The following DOCK11 variants were observed in gnomAD, a reference collection of about 807,000 sequenced individuals.
DOCK11 encodes the protein dedicator of cytokinesis 11, also known as dedicator of cytokinesis protein 11.
In DOCK11, 70 loss-of-function variants were observed where a neutral mutation model predicts 169.1. The observed-to-expected ratio is 0.41, with a 90% CI of 0.34 to 0.51. The LOEUF is 0.51. DOCK11 is among the 20% of genes least tolerant of loss of function. DOCK11 has a pLI of 0.10. For missense variants in DOCK11, 1,166 were observed against 1,538.8 expected (o/e 0.76, Z 4.05); for synonymous variants, 529 against 541.3 (o/e 0.98, Z 0.32).
At chrX:118,640,558 G>A (rs1159129720) in intron 38 of DOCK11, among the ~76,000 whole-genome samples, 2 of 112,085 alleles carry the variant, frequency 1.8e-5, no homozygotes, top group Non-Finnish European at 3.8e-5. Context: ...ATCTGTAGCT[G>A]AATTTCTATT....
intron 12 of DOCK11, among the ~76,000 whole-genome samples, chrX:118,578,287 G>A (rs929428786): frequency 1.8e-5 from 2 of 111,679 alleles, no homozygotes; most frequent in Middle Eastern, 9.2e-3. Context: ...AAGCAGCAAC[G>A]GTGACACCTG....
At chrX:118,570,094 T>C (rs905527010) in intron 10 of DOCK11, among the ~76,000 whole-genome samples, 2 of 112,384 alleles carry the variant, frequency 1.8e-5, no homozygotes, top group African/African-American at 3.2e-5. Flanking sequence ...TGGAAGGCAG[T>C]GTCGCCTCGG....
intron 30 of DOCK11, chrX:118,616,309 A>C: frequency 2.8e-6 from 2 of 724,797 alleles, no homozygotes; most frequent in Non-Finnish European, 3.7e-6. Context: ...ATGAATTGCT[A>C]AGATGGATGG....
At chrX:118,670,087 C>G (rs760611979) in intron 45 of DOCK11, among the ~76,000 whole-genome samples, 69 of 111,948 alleles carry the variant, frequency 6.2e-4, no homozygotes, top group Non-Finnish European at 9.2e-4. Flanking sequence ...TTCAACTTAT[C>G]TTTTTAGGAG....
At chrX:118,541,280 G>C (rs1463114028) in intron 1 of DOCK11, among the ~76,000 whole-genome samples, 1 of 111,850 alleles carries the variant, frequency 8.9e-6, no homozygotes, top group Non-Finnish European at 1.9e-5. Context: ...GCAGTTGCAG[G>C]GGTCAAGGGC....
At chrX:118,661,838 A>T (rs1362262423) in intron 44 of DOCK11, among the ~76,000 whole-genome samples, 1 of 111,545 alleles carries the variant, frequency 9.0e-6, no homozygotes, top group Admixed American at 9.5e-5. Context: ...CCAGAAGCCT[A>T]CAGCAGGTGT....
intron 6 of DOCK11, among the ~76,000 whole-genome samples, chrX:118,550,730 A>G (rs918236231): frequency 9.0e-6 from 1 of 111,725 alleles, no homozygotes; most frequent in African/African-American, 3.3e-5. Context: ...TTCTTCCTGC[A>G]TCACGTCTGG....
At chrX:118,651,261 C>A (rs941156176) in intron 41 of DOCK11, among the ~76,000 whole-genome samples, 4 of 111,588 alleles carry the variant, frequency 3.6e-5, no homozygotes, top group Non-Finnish European at 3.8e-5. Context: ...TGGCAAAATC[C>A]TGTCCCTACA....
chrX:118,562,009 T>C (rs2012928187), intron 7 of DOCK11, among the ~76,000 whole-genome samples: 2 of 108,404 alleles, frequency 1.8e-5, no homozygotes, highest in African/African-American at 6.7e-5. Context: ...CTACTAAAAA[T>C]ACAAAAATTA....
Position 118,627,550 on chromosome X carries a change from G to A in DOCK11, c.3635G>A (p.Arg1212Lys). The A allele has an allele frequency of 8.3e-7, 1 of 1,209,863 alleles. No homozygotes were observed. The highest frequency in any genetic ancestry group is 1.1e-6 in the Non-Finnish European group (1 of 894,049). Residue 1212 changes from arginine to lysine, a missense_variant, in exon 33 of 53, where the codon AGA becomes AAA. Transcript: ENST00000276202. ...TGTGGCTTTACTTCACCTGCCAATAGAGGGAGTCTGAGCACTGACAAAGAC... is the reference window on the plus strand; with the variant it reads ...TGTGGCTTTACTTCACCTGCCAATAAAGGGAGTCTGAGCACTGACAAAGAC... ...FPCGFTSPAN[R>K]GSLSTDKDTA... is the part of the protein sequence containing the mutation.
intron 7 of DOCK11, among the ~76,000 whole-genome samples, chrX:118,563,435 C>T (rs2012974753): frequency 9.0e-6 from 1 of 110,498 alleles, no homozygotes; most frequent in Admixed American, 9.8e-5. Context: ...CCAGCCTGGG[C>T]AGCACAGTGA....
rs183806209 is a variant in DOCK11, at chrX:118,639,529, C to T, written c.4096C>T (p.Arg1366Trp). The part of the protein sequence containing the change: ...LRNRSGVMQA[R>W]LQHLSSLESS... Reference sequence around the variant, plus strand: ...AAACAGATCAGGAGTAATGCAGGCCCGGCTTCAGCATCTTAGTAGCCTAGA... The same window carrying T: ...AAACAGATCAGGAGTAATGCAGGCCTGGCTTCAGCATCTTAGTAGCCTAGA... Residue 1366 changes from arginine to tryptophan, a missense_variant, in exon 38 of 53, where the codon CGG becomes TGG. Physicochemically the swap from Arg to Trp is moderately radical, Grantham distance 101 (BLOSUM62 -3). Transcript: ENST00000276202. 1.4e-5 allele frequency: 17 copies of T among 1,210,488 alleles called. No homozygotes were observed. The highest frequency in any genetic ancestry group is 2.2e-5 in the Admixed American group (1 of 45,991).
intron 31 of DOCK11, 152 bp downstream of exon 31, chrX:118,618,880 C>T: frequency 2.3e-6 from 1 of 431,865 alleles, no homozygotes; most frequent in Non-Finnish European, 3.6e-6. Flanking sequence ...TTTTTTGAGA[C>T]AGAGTTTCAC....
intron 52 of DOCK11, 47 bp from the exon 53 acceptor site, chrX:118,685,641 G>A (rs2016841175): frequency 8.5e-7 from 1 of 1,179,450 alleles, no homozygotes; most frequent in Non-Finnish European, 1.1e-6. Flanking sequence ...TTTTTTGGCA[G>A]TGGCTATTTT....
chrX:118,597,283 C>T (rs1157360563), intron 20 of DOCK11, 148 bp from the exon 21 acceptor site: 2 of 670,793 alleles, frequency 3.0e-6, no homozygotes, highest in Non-Finnish European at 2.2e-6. Flanking sequence ...ATTGTTCCTT[C>T]CCCAGTACTC....
intron 40 of DOCK11, among the ~76,000 whole-genome samples, chrX:118,647,139 ATGTGTGTGTGTG>A (rs200211345): frequency 0.04 from 3,403 of 85,471 alleles, 165 homozygotes; most frequent in African/African-American, 0.13. Flanking sequence ...TGAAGAGGAT[ATGTGTGTGTGTG>A]TGTGTGTGTG....
intron 48 of DOCK11, among the ~76,000 whole-genome samples, chrX:118,679,088 C>T (rs1351059499): frequency 9.1e-6 from 1 of 110,072 alleles, no homozygotes; most frequent in Non-Finnish European, 1.9e-5. Context: ...CCACCATACC[C>T]CAGCTAATTT....
At chrX:118,503,095 T>G (rs2057587094) in intron 1 of DOCK11, among the ~76,000 whole-genome samples, 1 of 79,540 alleles carries the variant, frequency 1.3e-5, no homozygotes, top group Non-Finnish European at 2.4e-5. Flanking sequence ...TTTTTTGAAA[T>G]GGAGTTTCAC....
intron 12 of DOCK11, among the ~76,000 whole-genome samples, chrX:118,574,865 A>G (rs1257250115): frequency 9.0e-6 from 1 of 111,673 alleles, no homozygotes; most frequent in Non-Finnish European, 1.9e-5. Context: ...TTTCAGAAAG[A>G]GCTTAACTGT....
Sources: gnomAD v4.1 joint callset for allele counts (sites outside exome capture counted in the v4.1 genomes callset) on GRCh38, gnomAD v4.1.1 for gene constraint, MANE v1.5 for transcripts, NCBI Gene and HGNC (gene_info 2026-07-23, HGNC 2026-07-21) for gene names.